CSMD1: variants seen among roughly 807,000 people sequenced by gnomAD.
CSMD1 encodes CUB and sushi domain-containing protein 1.
A neutral mutation model predicts 417.5 loss-of-function variants in CSMD1; 213 were observed. The observed-to-expected ratio is 0.51, with a 90% CI of 0.46 to 0.57. The LOEUF (loss-of-function observed/expected upper bound fraction) is 0.57, where lower values mean the gene tolerates loss of function less well. Among genes scored for constraint, CSMD1 ranks in the 20% least tolerant of loss-of-function variants. The probability of loss-of-function intolerance (pLI) is 0.00; values close to 1 mark genes in which losing one functional copy is unlikely to be tolerated. For synonymous variants in CSMD1, 2,862 were observed against 1,736.8 expected (o/e 1.65, Z -16.11); for missense variants, 6,923 against 4,529.7 (o/e 1.53, Z -15.17).
chr8:3,684,272 GTTATATA>G (rs1563270341), intron 7 of CSMD1, among the ~76,000 whole-genome samples: 1 of 137,664 alleles, frequency 7.3e-6, no homozygotes, highest in Non-Finnish European at 1.5e-5. Flanking sequence ...ATAGCTATAT[GTTATATA>G]TTATATATAA....
chr8:4,975,737 A>C (rs9657406), intron 1 of CSMD1, among the ~76,000 whole-genome samples: 2 of 152,094 alleles, frequency 1.3e-5, no homozygotes, highest in East Asian at 1.9e-4. Context: ...TGCTGAGACA[A>C]TGAAGACACG....
chr8:3,620,863 G>A (rs58829796), intron 7 of CSMD1, among the ~76,000 whole-genome samples: 6,418 of 152,104 alleles, frequency 0.042, 482 homozygotes, highest in African/African-American at 0.15. Flanking sequence ...CCTGTTTTAG[G>A]CTGAATTATG....
intron 18 of CSMD1, among the ~76,000 whole-genome samples, chr8:3,372,025 G>C (rs955220296): frequency 6.6e-6 from 1 of 152,184 alleles, no homozygotes; most frequent in Admixed American, 6.5e-5. Context: ...ATGAATTCCA[G>C]TTGGAAAAGA....
chr8:4,203,707 C>A (rs1222557954), intron 3 of CSMD1, among the ~76,000 whole-genome samples: 1 of 152,122 alleles, frequency 6.6e-6, no homozygotes, highest in Admixed American at 6.5e-5. Flanking sequence ...CACAAACATA[C>A]ACACACATAC....
intron 5 of CSMD1, among the ~76,000 whole-genome samples, chr8:3,881,581 C>G (rs1465720870): frequency 6.8e-6 from 1 of 147,442 alleles, no homozygotes; most frequent in Non-Finnish European, 1.5e-5. Context: ...GTCCAGCCTG[C>G]CTGGGTGACA....
chr8:4,412,044 T>C (rs1796679159), intron 3 of CSMD1, among the ~76,000 whole-genome samples: 1 of 151,922 alleles, frequency 6.6e-6, no homozygotes, highest in Non-Finnish European at 1.5e-5. Context: ...TAGCTAAATA[T>C]CTCAATGTGC....
chr8:3,354,226 C>T (rs1210326688), intron 21 of CSMD1, among the ~76,000 whole-genome samples: 2 of 152,126 alleles, frequency 1.3e-5, no homozygotes, highest in African/African-American at 2.4e-5. Flanking sequence ...GCTGAAGCAA[C>T]TTGTCCACCT....
At chr8:3,182,821 T>C (rs1218601787) in intron 36 of CSMD1, among the ~76,000 whole-genome samples, 1 of 128,772 alleles carries the variant, frequency 7.8e-6, no homozygotes, top group Non-Finnish European at 1.7e-5. Flanking sequence ...CGGGGGACTC[T>C]GGCTGTCTCT....
chr8:3,339,519 G>A (rs1807502676), intron 23 of CSMD1, among the ~76,000 whole-genome samples: 1 of 152,112 alleles, frequency 6.6e-6, no homozygotes, highest in South Asian at 2.1e-4. Flanking sequence ...GGGCCAATGG[G>A]ACTTTAACAT....
At chr8:4,625,118 G>C (rs958373810) in intron 2 of CSMD1, among the ~76,000 whole-genome samples, 21 of 152,072 alleles carry the variant, frequency 1.4e-4, no homozygotes, top group African/African-American at 5.1e-4. Flanking sequence ...CAGATGACAA[G>C]AGAACTATGA....
intron 3 of CSMD1, among the ~76,000 whole-genome samples, chr8:4,051,117 AAAAAG>A (rs150625475): frequency 0.043 from 6,552 of 152,040 alleles, 185 homozygotes; most frequent in Non-Finnish European, 0.064. Context: ...GAGAACCAGG[AAAAAG>A]AAAAGAAAAG....
intron 5 of CSMD1, among the ~76,000 whole-genome samples, chr8:3,859,670 G>C (rs925105595): frequency 6.6e-6 from 1 of 152,074 alleles, no homozygotes; most frequent in South Asian, 2.1e-4. Flanking sequence ...AACCATATGG[G>C]CAATTAATCA....
At chr8:4,597,018 T>C (rs930972139) in intron 2 of CSMD1, among the ~76,000 whole-genome samples, 3 of 152,208 alleles carry the variant, frequency 2.0e-5, no homozygotes, top group African/African-American at 4.8e-5. Context: ...CTCCCAGCCA[T>C]GTAGAACTGT....
chr8:4,805,666 T>A (rs1285334049), intron 1 of CSMD1, among the ~76,000 whole-genome samples: 2 of 152,146 alleles, frequency 1.3e-5, no homozygotes. Flanking sequence ...ATAAATTATT[T>A]TAAAATAAAA....
intron 3 of CSMD1, among the ~76,000 whole-genome samples, chr8:4,048,742 A>G (rs1361210562): frequency 1.3e-5 from 2 of 152,176 alleles, no homozygotes; most frequent in Non-Finnish European, 2.9e-5. Flanking sequence ...TATCTATAGA[A>G]CTATATAAAA....
intron 26 of CSMD1, among the ~76,000 whole-genome samples, chr8:3,269,690 G>A (rs1430846898): frequency 6.6e-6 from 1 of 152,180 alleles, no homozygotes; most frequent in African/African-American, 2.4e-5. Flanking sequence ...CAGAGTAAAG[G>A]TCAGCTTTGT....
chr8:3,702,257 G>C (rs1408606728), intron 7 of CSMD1: 7 of 152,188 alleles, frequency 4.6e-5, no homozygotes, highest in Non-Finnish European at 7.3e-5. Context: ...TACACAGCAT[G>C]TCCCATCAGC....
intron 10 of CSMD1, among the ~76,000 whole-genome samples, chr8:3,545,836 G>C (rs1268313888): frequency 1.3e-5 from 2 of 152,208 alleles, no homozygotes; most frequent in Non-Finnish European, 2.9e-5. Context: ...TAGTAGCAGA[G>C]TCTATTGGCC....
intron 54 of CSMD1, among the ~76,000 whole-genome samples, chr8:2,995,391 G>A (rs575508678): frequency 2.4e-4 from 36 of 152,264 alleles, no homozygotes; most frequent in African/African-American, 6.3e-4. Context: ...CAGAGTGACC[G>A]CACCGAATGC....
Sources: gnomAD v4.1 joint callset for allele counts (sites outside exome capture counted in the v4.1 genomes callset) on GRCh38, gnomAD v4.1.1 for gene constraint, MANE v1.5 for transcripts, NCBI Gene and HGNC (gene_info 2026-07-23, HGNC 2026-07-21) for gene names.